NF1: variants seen among roughly 807,000 people sequenced by gnomAD.
NF1 encodes neurofibromin 1.
NF1 carries 122 observed loss-of-function variants against 325.7 expected under a neutral mutation model. That is an observed-to-expected ratio of 0.37 (90% CI 0.32 to 0.44). The LOEUF is 0.44. Among genes scored for constraint, NF1 ranks in the 20% least tolerant of loss-of-function variants. The probability of loss-of-function intolerance (pLI) is 1.00; values close to 1 mark genes in which losing one functional copy is unlikely to be tolerated. For missense variants in NF1, 2,140 were observed against 3,415.4 expected (o/e 0.63, Z 9.31); for synonymous variants, 1,091 against 1,186.0 (o/e 0.92, Z 1.65).
intron 30 of NF1, chr17:31,251,075 AAGAT>A (rs2067485746): frequency 5.1e-6 from 1 of 195,044 alleles, no homozygotes; most frequent in African/African-American, 2.3e-5. Flanking sequence ...ATTAGAAAGA[AAGAT>A]AGGAAAAAAG....
chr17:31,374,997 T>C lies in NF1; in HGVS notation c.*842T>C. ...TTTTGTTTTTTGTAAACCAAAACTA[T>C]ACTAAGTATAGTAATTATATATATA... is the stretch of plus-strand genomic sequence containing the variant. On this transcript the variant is annotated 3_prime_UTR_variant, in exon 58 of 58. Coordinates refer to ENST00000358273, the MANE Select transcript of NF1 (RefSeq NM_001042492.3). 4.9e-6 allele frequency: 1 copy of C among 203,548 alleles called. No individual in the cohort carries two copies. The highest frequency in any genetic ancestry group is 1.6e-3 in the Middle Eastern group (1 of 636). The allele number at this position is 203,548 out of a possible 1,614,324, so 12.6% of individuals were successfully genotyped here.
intron 36 of NF1, among the ~76,000 whole-genome samples, chr17:31,289,870 T>G (rs754055834): frequency 6.6e-6 from 1 of 152,154 alleles, no homozygotes; most frequent in African/African-American, 2.4e-5. Context: ...TGTGCCAATA[T>G]GTGAACATGG....
At chr17:31,333,474 G>T (rs2069558837) in intron 39 of NF1, among the ~76,000 whole-genome samples, 1 of 151,918 alleles carries the variant, frequency 6.6e-6, no homozygotes, top group Admixed American at 6.6e-5. Flanking sequence ...GCATCCAGAG[G>T]GATATTCTCA....
chr17:31,122,827 T>C (rs1019345942), intron 1 of NF1, among the ~76,000 whole-genome samples: 1 of 152,180 alleles, frequency 6.6e-6, no homozygotes, highest in African/African-American at 2.4e-5. Flanking sequence ...CATCTCAGTG[T>C]GAAAGTCAAG....
chr17:31,170,543 G>T (rs2065913205), intron 5 of NF1, among the ~76,000 whole-genome samples: 1 of 152,172 alleles, frequency 6.6e-6, no homozygotes, highest in Admixed American at 6.5e-5. Context: ...TCTCCTTGTA[G>T]AACATGTCAG....
At chr17:31,244,069 A>G (rs1372947326) in intron 29 of NF1, among the ~76,000 whole-genome samples, 1 of 152,114 alleles carries the variant, frequency 6.6e-6, no homozygotes, top group Admixed American at 6.5e-5. Flanking sequence ...CTTTTAAGAC[A>G]GCAGATTTCC....
chr17:31,308,005 A>G (rs1597804850), intron 36 of NF1: 2 of 992,560 alleles, frequency 2.0e-6, no homozygotes, highest in East Asian at 6.0e-5. Flanking sequence ...CCCTATACGA[A>G]TAATTCAAGC....
intron 36 of NF1, chr17:31,296,244 A>G: frequency 1.2e-6 from 2 of 1,614,138 alleles, no homozygotes; most frequent in Non-Finnish European, 1.7e-6. Context: ...GTGCATATAC[A>G]TTGGAGAGGA....
chr17:31,343,353 T>A (rs1294707940), intron 48 of NF1, among the ~76,000 whole-genome samples: 1 of 152,120 alleles, frequency 6.6e-6, no homozygotes, highest in Admixed American at 6.6e-5. Flanking sequence ...GAGGCCAGCC[T>A]GGGCAACATA....
At chr17:31,254,488 AC>A (rs2067548837) in intron 31 of NF1, among the ~76,000 whole-genome samples, 1 of 152,212 alleles carries the variant, frequency 6.6e-6, no homozygotes, top group Admixed American at 6.5e-5. Context: ...GATTATAAAG[AC>A]GTTTCTAATG....
intron 1 of NF1, among the ~76,000 whole-genome samples, chr17:31,127,373 A>G (rs1293053751): frequency 6.6e-6 from 1 of 152,126 alleles, no homozygotes; most frequent in Non-Finnish European, 1.5e-5. Context: ...TTGTTATGAT[A>G]TTGAGGCTTC....
chr17:31,129,861 T>G (rs4795577), intron 1 of NF1, among the ~76,000 whole-genome samples: 81,661 of 151,974 alleles, frequency 0.54, 25,831 homozygotes, highest in Middle Eastern at 0.76. Flanking sequence ...AACATTCTCC[T>G]GAATCTCAAT....
intron 1 of NF1, among the ~76,000 whole-genome samples, chr17:31,115,782 G>C (rs900323598): frequency 6.6e-6 from 1 of 152,164 alleles, no homozygotes; most frequent in African/African-American, 2.4e-5. Flanking sequence ...GTCCTTGATG[G>C]TGATGCTGGC....
intron 36 of NF1, among the ~76,000 whole-genome samples, chr17:31,324,059 T>A (rs1717907599): frequency 6.6e-6 from 1 of 152,080 alleles, no homozygotes; most frequent in South Asian, 2.1e-4. Context: ...GTATGTGTGA[T>A]TTTTTTGGTT....
chr17:31,150,689 A>G (rs1319459992), intron 1 of NF1, among the ~76,000 whole-genome samples: 2 of 152,108 alleles, frequency 1.3e-5, no homozygotes, highest in Non-Finnish European at 2.9e-5. Flanking sequence ...GCAGTCACCT[A>G]ATATACTTTC....
chr17:31,254,519 A>C (rs2067549273), intron 31 of NF1, among the ~76,000 whole-genome samples: 1 of 152,104 alleles, frequency 6.6e-6, no homozygotes, highest in Non-Finnish European at 1.5e-5. Context: ...TCTAATTCTC[A>C]GCATATGTGA....
intron 36 of NF1, among the ~76,000 whole-genome samples, chr17:31,265,950 G>A (rs995744657): frequency 1.3e-5 from 2 of 152,032 alleles, no homozygotes; most frequent in African/African-American, 4.8e-5. Context: ...CCCTACCATT[G>A]TCTTTTCTTT....
At position 31,337,822 on chromosome 17, in the gene NF1, T is replaced by A. The variant is rs757736155; in HGVS notation, c.6646T>A (p.Cys2216Ser). The A allele has an allele frequency of 1.9e-6, 3 of 1,613,784 alleles. No individual in the cohort carries two copies. In the African/African-American group the frequency reaches 4.0e-5, roughly 22 times the overall value. Reference sequence around the variant, plus strand: ...TTCAGAGTATCCCCTTTTTTAGGCATGCATGAGAGATATTCCAACGTGCAA... The same window carrying A: ...TTCAGAGTATCCCCTTTTTTAGGCAAGCATGAGAGATATTCCAACGTGCAA... ...TEALLEIMEACMRDIPTCKWL... is the reference protein window; with the variant it reads ...TEALLEIMEASMRDIPTCKWL... The change falls in exon 44 of 58, where the codon TGC becomes AGC. Residue 2216 changes from cysteine to serine, a missense_variant. This residue lies in a region of NF1 where 522 missense variants were observed against 749.0 expected (regional missense o/e 0.70). Transcript: ENST00000358273.
chr17:31,280,080 C>T (rs773606200), intron 36 of NF1, among the ~76,000 whole-genome samples: 2 of 152,016 alleles, frequency 1.3e-5, no homozygotes, highest in African/African-American at 2.4e-5. Flanking sequence ...TTGTTTTATG[C>T]TTCACTCTCA....
Sources: gnomAD v4.1 joint callset for allele counts (sites outside exome capture counted in the v4.1 genomes callset) on GRCh38, gnomAD v4.1.1 for gene constraint, gnomAD v4.1.1 regional missense constraint, MANE v1.5 for transcripts, NCBI Gene and HGNC (gene_info 2026-07-23, HGNC 2026-07-21) for gene names.